TRPS1: variants seen among roughly 807,000 people sequenced by gnomAD.
TRPS1 encodes the protein transcriptional repressor GATA binding 1, also known as zinc finger transcription factor Trps1.
In TRPS1, 6 loss-of-function variants were observed where a neutral mutation model predicts 101.2. The ratio of observed to expected loss-of-function variants is 0.06; its 90% confidence interval spans 0.03 to 0.12. TRPS1 has a LOEUF of 0.12. TRPS1 is among the 10% of genes least tolerant of loss of function. TRPS1 has a pLI of 1.00. For synonymous variants in TRPS1, 578 were observed against 589.8 expected, an observed-to-expected ratio of 0.98 and a Z score of 0.29; for missense variants, 1,363 against 1,567.0, an observed-to-expected ratio of 0.87 and a Z score of 2.20.
chr8:115,497,158 T>C (rs912681596), intron 5 of TRPS1, among the ~76,000 whole-genome samples: 2 of 152,170 alleles, frequency 1.3e-5, no homozygotes, highest in African/African-American at 2.4e-5. Context: ...CCCCACTCTG[T>C]TTGGCACCAG....
rs1323051809 is a variant in TRPS1, at chr8:115,604,861, T to A, written c.1108A>T (p.Thr370Ser). The change falls in exon 4 of 7, where the codon ACT (threonine) becomes TCT (serine). Residue 370 changes from threonine (T) to serine (S), a missense_variant. Physicochemically the swap from Thr to Ser is moderately conservative, Grantham distance 58. Around this residue, in one of 5 missense-constraint regions of TRPS1, gnomAD observed 1,020 missense variants for 1,073.0 expected, o/e 0.95. Transcript: ENST00000395715. This position sits in a 1 kb window ranked among gnomAD's most constrained non-coding sequence, Gnocchi z 4.1. ...STELEQHFLQ[T>S]HPNKIKASLP... ...GAAGCTTTTATTTTGTTTGGGTGAG[T>A]CTGAAGAAAATGTTGTTCTAATTCG... The A allele has an allele frequency of 1.2e-6, 2 of 1,613,884 alleles. No homozygotes were observed. The highest frequency in any genetic ancestry group is 1.7e-5 in the Admixed American group (1 of 59,964).
intron 5 of TRPS1, among the ~76,000 whole-genome samples, chr8:115,469,369 A>G (rs1038323341): frequency 2.0e-5 from 3 of 152,244 alleles, no homozygotes; most frequent in African/African-American, 7.2e-5. Flanking sequence ...ACCTGGTGTT[A>G]TCTTTAGTAA....
chr8:115,561,018 T>C (rs1298521664), intron 5 of TRPS1, among the ~76,000 whole-genome samples: 1 of 152,142 alleles, frequency 6.6e-6, no homozygotes, highest in Non-Finnish European at 1.5e-5. Context: ...TTTATTTTTA[T>C]AAAGACAAAA....
At chr8:115,522,542 G>A (rs1261799652) in intron 5 of TRPS1, among the ~76,000 whole-genome samples, 1 of 152,050 alleles carries the variant, frequency 6.6e-6, no homozygotes, top group Non-Finnish European at 1.5e-5. Context: ...CAAAACTTAA[G>A]TGAGTACAAG....
chr8:115,467,445 AAGTC>A (rs1303300251), intron 5 of TRPS1, among the ~76,000 whole-genome samples: 1 of 152,050 alleles, frequency 6.6e-6, no homozygotes, highest in Non-Finnish European at 1.5e-5. Flanking sequence ...AAAAAAAAAA[AAGTC>A]AGTATCTCTA....
In TRPS1 at chr8:115,415,643, G is replaced by C. The variant is rs146074947; in HGVS notation, c.2824-559C>G. 5.4e-4 allele frequency among the ~76,000 whole-genome samples: 82 copies of C among 152,212 alleles called. 1 individual carries two copies. In the East Asian group the frequency reaches 0.014, roughly 27 times the overall value. ...GTTAAGGGTGGGGCCCTAATCCAAT[G>C]GGGCTGTGGCCTTATGAGAAGAGGA... On this transcript the variant is annotated intron_variant, in intron 6 of 6. Transcript: ENST00000395715.
intron 5 of TRPS1, among the ~76,000 whole-genome samples, chr8:115,549,726 AC>A (rs1282343579): frequency 1.3e-5 from 2 of 151,406 alleles, no homozygotes; most frequent in African/African-American, 4.8e-5. Context: ...AAGATTTAAG[AC>A]ACAGGAAGTG....
intron 6 of TRPS1, among the ~76,000 whole-genome samples, chr8:115,416,336 T>A (rs1415833079): frequency 6.6e-6 from 1 of 151,782 alleles, no homozygotes; most frequent in African/African-American, 2.4e-5. Flanking sequence ...GGAATCAGTT[T>A]GATAAATTAA....
At chr8:115,538,004 T>A (rs1586379566) in intron 5 of TRPS1, among the ~76,000 whole-genome samples, 1 of 152,220 alleles carries the variant, frequency 6.6e-6, no homozygotes, top group Admixed American at 6.5e-5. Context: ...AATCTCCCCA[T>A]CAGCAGAAAG....
At chr8:115,611,577 G>A (rs1052982336) in intron 3 of TRPS1, among the ~76,000 whole-genome samples, 3 of 152,184 alleles carry the variant, frequency 2.0e-5, no homozygotes, top group Non-Finnish European at 4.4e-5. Flanking sequence ...CCAGACTGAG[G>A]AGTCAGCAAA....
At chr8:115,612,434 C>G (rs374713757) in intron 3 of TRPS1, among the ~76,000 whole-genome samples, 3 of 152,064 alleles carry the variant, frequency 2.0e-5, no homozygotes, top group East Asian at 3.9e-4. Context: ...GTGTTTGGGG[C>G]GTGATATCAA....
Position 115,604,690 on chromosome 8 carries a change from A to C in TRPS1, c.1279T>G (p.Ser427Ala), listed in dbSNP as rs373510969. 2.3e-4 allele frequency: 369 copies of C among 1,613,812 alleles called. No homozygotes were observed. Among genetic ancestry groups the C allele is most frequent in the Non-Finnish European group, 3.0e-4 (349 of 1,179,948 alleles). Residue 427 changes from serine (S) to alanine (A), a missense_variant, in exon 4 of 7, where the codon TCA (serine) becomes GCA (alanine). Physicochemically the swap from Ser to Ala is moderately conservative, Grantham distance 99 (BLOSUM62 1). Around this residue, in one of 5 missense-constraint regions of TRPS1, gnomAD observed 1,020 missense variants for 1,073.0 expected, o/e 0.95. Transcript: ENST00000395715. The surrounding 1 kb of genome is among the most constrained non-coding windows in gnomAD (Gnocchi z 4.1). ...GAATCGAGGGGCTTTATGGGCACTG[A>C]GTACCCAACAGGAGTGTCATCTCCT... ...KAGDDTPVGY[S>A]VPIKPLDSSR... is the part of the protein sequence containing the mutation.
Position 115,604,893 on chromosome 8 carries a change from G to A in TRPS1, c.1076C>T (p.Ser359Leu). 1 of 1,614,070 alleles carries A rather than the reference G, an allele frequency of 6.2e-7. No individual in the cohort carries two copies. The highest frequency in any genetic ancestry group is 8.5e-7 in the Non-Finnish European group (1 of 1,179,962). Residue 359 changes from serine (S) to leucine (L), a missense_variant, in exon 4 of 7, where the codon TCA (serine) becomes TTA (leucine). By Grantham distance (145) the Ser-to-Leu change is moderately radical (BLOSUM62 -2). Coordinates refer to ENST00000395715, the MANE Select transcript of TRPS1 (RefSeq NM_014112.5). This position sits in a 1 kb window ranked among gnomAD's most constrained non-coding sequence, Gnocchi z 4.1. Reference sequence around the variant, plus strand: ...AAAATGTTGTTCTAATTCGGTGGATGAGTTGCCCATATAAGTGAAATTGCA... The same window carrying A: ...AAAATGTTGTTCTAATTCGGTGGATAAGTTGCCCATATAAGTGAAATTGCA... Reference protein sequence around the residue: ...KFCNFTYMGNSSTELEQHFLQ... With the variant: ...KFCNFTYMGNLSTELEQHFLQ...
chr8:115,555,952 A>T (rs1783006357), intron 5 of TRPS1, among the ~76,000 whole-genome samples: 1 of 152,066 alleles, frequency 6.6e-6, no homozygotes, highest in Non-Finnish European at 1.5e-5. Flanking sequence ...TGAGCCTGGG[A>T]GGAGGGAGGC....
At chr8:115,593,419 A>G (rs1817720659) in intron 4 of TRPS1, among the ~76,000 whole-genome samples, 1 of 152,188 alleles carries the variant, frequency 6.6e-6, no homozygotes, top group Non-Finnish European at 1.5e-5. Flanking sequence ...GCAAAATAGA[A>G]TACTTTTGCT....
intron 5 of TRPS1, among the ~76,000 whole-genome samples, chr8:115,489,655 A>G (rs891235757): frequency 6.6e-6 from 1 of 152,138 alleles, no homozygotes; most frequent in African/African-American, 2.4e-5. Context: ...GGCAGGATGA[A>G]AAAAATGCAC....
intron 5 of TRPS1, among the ~76,000 whole-genome samples, chr8:115,549,325 C>T (rs184970842): frequency 6.6e-6 from 1 of 152,234 alleles, no homozygotes; most frequent in Non-Finnish European, 1.5e-5. Flanking sequence ...AATATGTATT[C>T]AGCATTATAT....
chr8:115,462,465 T>C (rs1814204499), intron 5 of TRPS1, among the ~76,000 whole-genome samples: 1 of 152,182 alleles, frequency 6.6e-6, no homozygotes, highest in South Asian at 2.1e-4. Flanking sequence ...ATGACAATGG[T>C]ATCTACCTCA....
At chr8:115,535,122 GTATAGCATATA>G (rs1412567106) in intron 5 of TRPS1, among the ~76,000 whole-genome samples, 6 of 36,488 alleles carry the variant, frequency 1.6e-4, no homozygotes, top group Admixed American at 5.8e-4. Flanking sequence ...TATCGCATAT[GTATAGCATATA>G]TATAGCATAT....
Sources: gnomAD v4.1 joint callset for allele counts (sites outside exome capture counted in the v4.1 genomes callset) on GRCh38, gnomAD v4.1.1 for gene constraint, gnomAD v4.1.1 regional missense constraint, Gnocchi (gnomAD v3.1) non-coding constraint, MANE v1.5 for transcripts, NCBI Gene and HGNC (gene_info 2026-07-23, HGNC 2026-07-21) for gene names.